DIAPH2: variants seen among roughly 807,000 people sequenced by gnomAD.
The protein encoded by DIAPH2 is diaphanous related formin 2, also known as protein diaphanous homolog 2.
DIAPH2 carries 35 observed loss-of-function variants against 92.7 expected under a neutral mutation model. That is an observed-to-expected ratio of 0.38 (90% CI 0.29 to 0.50). The LOEUF is 0.50. Among genes scored for constraint, DIAPH2 ranks in the 20% least tolerant of loss-of-function variants. DIAPH2 has a pLI of 0.94. For missense variants in DIAPH2, 701 were observed against 819.5 expected (o/e 0.86, Z 1.77); for synonymous variants, 301 against 280.4 (o/e 1.07, Z -0.73).
intron 22 of DIAPH2, among the ~76,000 whole-genome samples, chrX:97,145,011 C>T (rs980554207): frequency 1.2e-3 from 131 of 111,635 alleles, no homozygotes; most frequent in African/African-American, 4.1e-3. Context: ...GTGATCCACC[C>T]GCCTTGGCCT....
At chrX:97,044,900 T>G (rs2066470819) in intron 17 of DIAPH2, among the ~76,000 whole-genome samples, 1 of 111,478 alleles carries the variant, frequency 9.0e-6, no homozygotes, top group African/African-American at 3.3e-5. Flanking sequence ...TTCCACAGAG[T>G]CTACTCTTCT....
intron 1 of DIAPH2, among the ~76,000 whole-genome samples, chrX:96,697,552 A>T (rs923670218): frequency 9.0e-6 from 1 of 111,057 alleles, no homozygotes; most frequent in African/African-American, 3.3e-5. Flanking sequence ...AGGCCGAGGC[A>T]GGAGAATTGC....
Position 97,206,349 on chromosome X carries a change from GTA to G in DIAPH2, c.2720-41363_2720-41362del, listed in dbSNP as rs745653830. 3.6e-5 allele frequency among the ~76,000 whole-genome samples: 4 copies of G among 111,743 alleles called. No homozygotes were observed. The South Asian group carries it at 1.5e-3, about 42-fold the overall frequency. On this transcript the variant is annotated intron_variant, in intron 22 of 26. Transcript: ENST00000324765. ...AAAATAAAAAAAATTAAAAATGAAA[GTA>G]TACACCTTTTTATCAGCATTCTTTA...
At chrX:97,171,388 T>A (rs1363397912) in intron 22 of DIAPH2, among the ~76,000 whole-genome samples, 1 of 112,090 alleles carries the variant, frequency 8.9e-6, no homozygotes, top group Non-Finnish European at 1.9e-5. Flanking sequence ...ATTTTGACAA[T>A]TAGCCCACTG....
At chrX:97,181,934 G>GA (rs1423725144) in intron 22 of DIAPH2, among the ~76,000 whole-genome samples, 1 of 112,348 alleles carries the variant, frequency 8.9e-6, no homozygotes. Context: ...GATAGTTATA[G>GA]AAAGTTTTTA....
intron 25 of DIAPH2, among the ~76,000 whole-genome samples, chrX:97,408,599 A>G (rs1569388450): frequency 8.9e-6 from 1 of 111,833 alleles, no homozygotes; most frequent in Non-Finnish European, 1.9e-5. Flanking sequence ...AAAATTGTCT[A>G]AATTACCTGA....
At chrX:96,750,884 A>G (rs2064182578) in intron 3 of DIAPH2, among the ~76,000 whole-genome samples, 1 of 112,536 alleles carries the variant, frequency 8.9e-6, no homozygotes, top group Non-Finnish European at 1.9e-5. Flanking sequence ...GTTGTTTTGC[A>G]TGGATTGTTT....
At chrX:97,072,870 C>A in intron 17 of DIAPH2, 71 bp from the exon 18 acceptor site, 2 of 608,247 alleles carry the variant, frequency 3.3e-6, no homozygotes, top group Non-Finnish European at 5.0e-6. Flanking sequence ...AGTTAATATG[C>A]CTTACTAATG....
chrX:96,767,565 C>T (rs760441421), intron 4 of DIAPH2, among the ~76,000 whole-genome samples: 68 of 111,751 alleles, frequency 6.1e-4, no homozygotes, highest in Non-Finnish European at 1.1e-3. Flanking sequence ...TTGAATTCTA[C>T]AAAATGCTTG....
At chrX:97,191,211 C>A (rs1390068687) in intron 22 of DIAPH2, among the ~76,000 whole-genome samples, 1 of 109,092 alleles carries the variant, frequency 9.2e-6, no homozygotes, top group Non-Finnish European at 1.9e-5. Context: ...GACTGTAATC[C>A]CAGCTACTTG....
chrX:97,577,531 G>A (rs1005677848), intron 26 of DIAPH2, among the ~76,000 whole-genome samples: 3 of 112,115 alleles, frequency 2.7e-5, no homozygotes, highest in South Asian at 3.7e-4. Context: ...AAAGATCAGC[G>A]AAGGCTAGAG....
At chrX:97,037,186 A>G (rs1330052364) in intron 17 of DIAPH2, among the ~76,000 whole-genome samples, 2 of 111,318 alleles carry the variant, frequency 1.8e-5, no homozygotes, top group African/African-American at 6.5e-5. Context: ...GTTCCTTTTG[A>G]ATCCGTTTTT....
intron 25 of DIAPH2, among the ~76,000 whole-genome samples, chrX:97,422,297 A>T (rs996855282): frequency 2.7e-5 from 3 of 110,116 alleles, no homozygotes; most frequent in South Asian, 3.8e-4. Flanking sequence ...TTTTTTTTTT[A>T]AATCTGTTTT....
intron 4 of DIAPH2, among the ~76,000 whole-genome samples, chrX:96,795,587 G>A (rs233664): frequency 2.3e-4 from 26 of 111,574 alleles, no homozygotes; most frequent in African/African-American, 7.5e-4. Flanking sequence ...TCTATTTTTA[G>A]TTCTATCAGT....
At chrX:96,926,883 T>A (rs1296910295) in intron 9 of DIAPH2, among the ~76,000 whole-genome samples, 3 of 111,489 alleles carry the variant, frequency 2.7e-5, no homozygotes, top group African/African-American at 9.8e-5. Context: ...TTTGTGACTT[T>A]AAAATTTTGA....
At chrX:96,813,507 C>T (rs1375221037) in intron 4 of DIAPH2, among the ~76,000 whole-genome samples, 3 of 111,259 alleles carry the variant, frequency 2.7e-5, no homozygotes, top group Non-Finnish European at 5.6e-5. Flanking sequence ...TTAATTGGAG[C>T]ATTTAGCCCA....
intron 23 of DIAPH2, among the ~76,000 whole-genome samples, chrX:97,293,828 G>A (rs1184132582): frequency 9.0e-6 from 1 of 111,649 alleles, no homozygotes. Flanking sequence ...GTCTATCTTT[G>A]TTTGTTCCTA....
intron 23 of DIAPH2, among the ~76,000 whole-genome samples, chrX:97,281,892 C>T (rs903643890): frequency 9.0e-6 from 1 of 111,258 alleles, no homozygotes; most frequent in African/African-American, 3.3e-5. Context: ...GTAGATATTA[C>T]GTTAATAATA....
intron 15 of DIAPH2, among the ~76,000 whole-genome samples, chrX:96,956,399 C>T (rs2065810774): frequency 8.9e-6 from 1 of 111,870 alleles, no homozygotes; most frequent in Non-Finnish European, 1.9e-5. Flanking sequence ...TCTGACATGC[C>T]CTGGAGACAT....
Sources: allele counts gnomAD v4.1 joint callset (sites outside exome capture counted in the v4.1 genomes callset), GRCh38; gene constraint gnomAD v4.1.1; transcripts MANE v1.5; gene names NCBI Gene and HGNC (gene_info 2026-07-23, HGNC 2026-07-21).